SERGEF: variants seen among roughly 807,000 people sequenced by gnomAD.
SERGEF encodes secretion regulating guanine nucleotide exchange factor.
In SERGEF, 51 loss-of-function variants were observed where a neutral mutation model predicts 50.0. The observed-to-expected ratio is 1.02, with a 90% CI of 0.81 to 1.29. The LOEUF is 1.29. SERGEF is among the 50% of genes most tolerant of loss of function. The pLI is 0.00. For synonymous variants in SERGEF, 205 were observed against 212.4 expected, an observed-to-expected ratio of 0.97 and a Z score of 0.30; for missense variants, 521 against 557.0, an observed-to-expected ratio of 0.94 and a Z score of 0.65.
chr11:17,979,168 T>C (rs932603131), intron 8 of SERGEF, among the ~76,000 whole-genome samples: 3 of 152,150 alleles, frequency 2.0e-5, no homozygotes, highest in African/African-American at 7.2e-5. Context: ...CCACAATGCT[T>C]AGGGCTGGTG....
In SERGEF at chr11:17,788,052, G is replaced by C; in HGVS notation, c.*33C>G. On this transcript the variant is annotated 3_prime_UTR_variant, in exon 11 of 11. Coordinates refer to ENST00000265965, the MANE Select transcript of SERGEF (RefSeq NM_012139.4). ...AAAACAATTCTCTGGGAAGGCTTTT[G>C]GTGGGAAAAGCCACTTTATTAAAGA... The C allele has an allele frequency of 6.9e-7, 1 of 1,457,166 alleles. No individual in the cohort carries two copies. Among genetic ancestry groups the C allele is most frequent in the Non-Finnish European group, 9.2e-7 (1 of 1,083,574 alleles). 90.3% of individuals were successfully genotyped at this position (1,457,166 alleles called of 1,614,324 possible). A position where few individuals can be genotyped will look rare whatever the true frequency, so the allele number is the denominator to read the frequency against.
chr11:17,886,633 C>CA (rs761247454), intron 9 of SERGEF, among the ~76,000 whole-genome samples: 15 of 150,978 alleles, frequency 9.9e-5, no homozygotes, highest in African/African-American at 2.9e-4. Flanking sequence ...ACAAAACAAA[C>CA]AAACAAAAAA....
At chr11:17,856,006 T>C (rs1022491352) in intron 10 of SERGEF, 1 of 152,212 alleles carries the variant, frequency 6.6e-6, no homozygotes, top group Non-Finnish European at 1.5e-5. Flanking sequence ...TTGCAGGCTC[T>C]CTCTAGAATG....
At chr11:18,006,813 A>C (rs1236501638) in intron 2 of SERGEF, 67 bp from the exon 3 acceptor site, 37 of 1,547,892 alleles carry the variant, frequency 2.4e-5, no homozygotes, top group African/African-American at 2.8e-5. Flanking sequence ...ATGAACAAAA[A>C]GATTTCACTA....
intron 9 of SERGEF, among the ~76,000 whole-genome samples, chr11:17,919,585 G>C (rs1852115600): frequency 6.6e-6 from 1 of 152,110 alleles, no homozygotes; most frequent in Admixed American, 6.5e-5. Context: ...AGAGCAAGAT[G>C]CATTATAGAT....
At chr11:17,951,376 G>A (rs1213148477) in intron 9 of SERGEF, among the ~76,000 whole-genome samples, 1 of 152,172 alleles carries the variant, frequency 6.6e-6, no homozygotes, top group East Asian at 1.9e-4. Context: ...GCTTGGAAAG[G>A]TTTTGAATGA....
At position 17,930,415 on chromosome 11, in the gene SERGEF, C is replaced by G. The variant is rs189189317; in HGVS notation, c.1011+29055G>C. Reference sequence around the variant, plus strand: ...ATCCCAGATGACATCTTACTGACTCCCAAGCTTTGAACTTGAGCTCCTTCA... The same window carrying G: ...ATCCCAGATGACATCTTACTGACTCGCAAGCTTTGAACTTGAGCTCCTTCA... On this transcript the variant is annotated intron_variant, in intron 9 of 10. Coordinates refer to ENST00000265965, the MANE Select transcript of SERGEF (RefSeq NM_012139.4). Among the ~76,000 whole-genome samples, 150 of 152,196 alleles carry G rather than the reference C, an allele frequency of 9.9e-4. 1 individual carries two copies. Among genetic ancestry groups the G allele is most frequent in the African/African-American group, 3.3e-3 (139 of 41,516 alleles).
intron 8 of SERGEF, among the ~76,000 whole-genome samples, chr11:17,963,432 G>T (rs1269169208): frequency 6.8e-6 from 1 of 147,320 alleles, no homozygotes; most frequent in South Asian, 2.1e-4. Context: ...GCATTATCCA[G>T]GCTGGAGTGC....
intron 5 of SERGEF, among the ~76,000 whole-genome samples, chr11:18,000,106 G>A (rs1338028014): frequency 6.6e-6 from 1 of 152,134 alleles, no homozygotes; most frequent in African/African-American, 2.4e-5. Context: ...TTCCTAAATG[G>A]TTTTTCTCCT....
At position 17,834,226 on chromosome 11, in the gene SERGEF, T is replaced by C. The variant is rs148606868; in HGVS notation, c.1048+43982A>G. Among the ~76,000 whole-genome samples, 128 of 152,190 alleles carry C rather than the reference T, an allele frequency of 8.4e-4. 1 individual carries two copies. Among genetic ancestry groups the C allele is most frequent in the African/African-American group, 2.9e-3 (122 of 41,526 alleles). On this transcript the variant is annotated intron_variant, in intron 10 of 10. Coordinates refer to ENST00000265965, the MANE Select transcript of SERGEF (RefSeq NM_012139.4). ...AAGATCTGATGGTTTTAAAAAGAGG[T>C]GTTCCCCTGCACAAGCTCTCTCATT...
intron 10 of SERGEF, chr11:17,863,633 T>C (rs998774632): frequency 1.3e-5 from 2 of 152,052 alleles, no homozygotes; most frequent in African/African-American, 2.4e-5. Flanking sequence ...CATTCATTCA[T>C]TCAGTATTTA....
intron 10 of SERGEF, among the ~76,000 whole-genome samples, chr11:17,866,596 C>T (rs1462146439): frequency 6.6e-6 from 1 of 152,182 alleles, no homozygotes; most frequent in East Asian, 1.9e-4. Context: ...CCTCCGCCTC[C>T]CTGGTTCAAA....
At chr11:17,791,129 A>G (rs1475523155) in intron 10 of SERGEF, among the ~76,000 whole-genome samples, 1 of 152,220 alleles carries the variant, frequency 6.6e-6, no homozygotes, top group Non-Finnish European at 1.5e-5. Context: ...CTAATTACCT[A>G]TTATGAAGAT....
At chr11:17,797,837 T>C (rs1849597108) in intron 10 of SERGEF, among the ~76,000 whole-genome samples, 1 of 152,210 alleles carries the variant, frequency 6.6e-6, no homozygotes, top group Admixed American at 6.5e-5. Context: ...ACGGCAATTG[T>C]AGCTCGCTAT....
rs2237927 is a variant in SERGEF, at chr11:17,894,652, T to A, written c.1012-16408A>T. Among the ~76,000 whole-genome samples the A allele has an allele frequency of 9.2e-3, 1,401 of 152,316 alleles. 122 individuals carry two copies. The East Asian group carries it at 0.2, about 22-fold the overall frequency. ...ATAGTAGGTCTTAATGAGATGTTTG[T>A]TGAATTGAAGCCACTTATCTGGGTA... is the stretch of plus-strand genomic sequence containing the variant. On this transcript the variant is annotated intron_variant, in intron 9 of 10. Coordinates refer to ENST00000265965, the MANE Select transcript of SERGEF (RefSeq NM_012139.4).
At chr11:17,802,680 C>T (rs1849692553) in intron 10 of SERGEF, among the ~76,000 whole-genome samples, 1 of 152,128 alleles carries the variant, frequency 6.6e-6, no homozygotes. Flanking sequence ...ATGCTTCCAG[C>T]TTTAGCCTTT....
At chr11:17,937,810 T>G (rs1253603886) in intron 9 of SERGEF, among the ~76,000 whole-genome samples, 1 of 152,174 alleles carries the variant, frequency 6.6e-6, no homozygotes, top group Non-Finnish European at 1.5e-5. Flanking sequence ...TAGCAGTATG[T>G]GACCACATGG....
chr11:17,924,820 G>A (rs535443782), intron 9 of SERGEF, among the ~76,000 whole-genome samples: 30 of 152,114 alleles, frequency 2.0e-4, no homozygotes, highest in African/African-American at 7.2e-4. Context: ...TCTATGAGTT[G>A]TAATAAATCA....
chr11:17,921,443 G>C (rs1236090689), intron 9 of SERGEF, among the ~76,000 whole-genome samples: 3 of 152,088 alleles, frequency 2.0e-5, no homozygotes, highest in Admixed American at 6.5e-5. Flanking sequence ...AGACATAATA[G>C]GTCCTCAGTA....
Sources: allele counts gnomAD v4.1 joint callset (sites outside exome capture counted in the v4.1 genomes callset), GRCh38; gene constraint gnomAD v4.1.1; transcripts MANE v1.5; gene names NCBI Gene and HGNC (gene_info 2026-07-23, HGNC 2026-07-21).